The following TRMT11 variants were observed in gnomAD, a reference collection of about 807,000 sequenced individuals.
TRMT11 encodes the protein tRNA (guanine(10)-N(2))-methyltransferase TRMT11.
Under a neutral mutation model 62.8 loss-of-function variants are expected in TRMT11, and 53 were observed. The ratio of observed to expected loss-of-function variants is 0.84; its 90% CI spans 0.68 to 1.06. TRMT11 has a LOEUF of 1.06. TRMT11 is among the 50% of genes least tolerant of loss of function. The pLI is 0.00. For synonymous variants in TRMT11, 188 were observed against 190.3 expected (o/e 0.99, Z 0.10); for missense variants, 556 against 553.4 (o/e 1.00, Z -0.05).
intron 17 of TRMT11, among the ~76,000 whole-genome samples, chr6:126,105,144 C>A (rs1057068726): frequency 1.3e-5 from 2 of 152,118 alleles, no homozygotes; most frequent in African/African-American, 4.8e-5. Flanking sequence ...GTAAATCATC[C>A]CCCTCAGAAC....
intron 11 of TRMT11, 23 bp from the exon 12 acceptor site, chr6:126,021,137 A>G: frequency 6.2e-7 from 1 of 1,613,562 alleles, no homozygotes; most frequent in Non-Finnish European, 8.5e-7. Context: ...AGTGTTCCTA[A>G]CAGTCAGCTG....
intron 11 of TRMT11, among the ~76,000 whole-genome samples, chr6:126,016,172 A>C (rs532126396): frequency 6.6e-6 from 1 of 152,094 alleles, no homozygotes; most frequent in African/African-American, 2.4e-5. Context: ...TCTTTTTTCC[A>C]TCATTTCTTT....
chr6:126,220,965 A>G, the TRMT11 span, among the ~76,000 whole-genome samples: 5 of 152,116 alleles, frequency 3.3e-5, no homozygotes, highest in African/African-American at 7.2e-5. Flanking sequence ...CTTTGTGTCC[A>G]TGTGTACTCA....
chr6:126,232,298 G>A, the TRMT11 span, among the ~76,000 whole-genome samples: 1 of 152,040 alleles, frequency 6.6e-6, no homozygotes, highest in Non-Finnish European at 1.5e-5. Context: ...AGCAAGTAAT[G>A]TCTGTGCTCT....
intron 21 of TRMT11, among the ~76,000 whole-genome samples, chr6:126,166,062 G>T (rs768895251): frequency 7.3e-5 from 11 of 151,446 alleles, no homozygotes; most frequent in Admixed American, 2.0e-4. Context: ...CCTTTCTTCC[G>T]CTTGATCGAT....
intron 11 of TRMT11, among the ~76,000 whole-genome samples, chr6:126,013,829 C>T (rs906149623): frequency 2.6e-5 from 4 of 152,212 alleles, no homozygotes; most frequent in African/African-American, 7.2e-5. Context: ...TTGTACCCTA[C>T]ACTTAGCTTA....
intron 11 of TRMT11, 75 bp downstream of exon 11, chr6:126,013,176 T>C: frequency 7.3e-7 from 1 of 1,364,052 alleles, no homozygotes; most frequent in Non-Finnish European, 1.0e-6. Context: ...TTTCTCTTTA[T>C]CTCTTCTTGC....
the TRMT11 span, chr6:126,258,264 G>C: frequency 7.3e-6 from 4 of 548,868 alleles, no homozygotes; most frequent in Non-Finnish European, 1.4e-5. Context: ...GCGGCCCTGG[G>C]GGGTGGGCTC....
At chr6:126,203,590 T>C (rs1192878143), downstream of TRMT11, among the ~76,000 whole-genome samples, 1 of 152,198 alleles carries the variant, frequency 6.6e-6, no homozygotes, top group South Asian at 2.1e-4. Flanking sequence ...CTCAAAAGCC[T>C]TGAAATATGT....
chr6:126,075,525 C>T (rs1049534866), intron 17 of TRMT11, among the ~76,000 whole-genome samples: 9 of 152,058 alleles, frequency 5.9e-5, no homozygotes, highest in African/African-American at 2.2e-4. Flanking sequence ...GTGGTGCTTG[C>T]CTGCTTCCCC....
intron 17 of TRMT11, among the ~76,000 whole-genome samples, chr6:126,066,725 C>T (rs1776702801): frequency 6.6e-6 from 1 of 152,194 alleles, no homozygotes; most frequent in Admixed American, 6.5e-5. Context: ...TGCTTGTAAG[C>T]CCTAGGTGAA....
chr6:126,147,581 T>C (rs1278698543), intron 21 of TRMT11, among the ~76,000 whole-genome samples: 1 of 152,180 alleles, frequency 6.6e-6, no homozygotes, highest in Non-Finnish European at 1.5e-5. Flanking sequence ...GAATTTGTAC[T>C]GAGTGGTCAA....
At chr6:126,097,918 A>G (rs929916049) in intron 17 of TRMT11, among the ~76,000 whole-genome samples, 4 of 152,126 alleles carry the variant, frequency 2.6e-5, no homozygotes, top group Non-Finnish European at 5.9e-5. Context: ...CTTTTTGTTT[A>G]TTCTTATGGT....
chr6:126,264,632 T>C, the TRMT11 span, among the ~76,000 whole-genome samples: 3 of 152,334 alleles, frequency 2.0e-5, no homozygotes, highest in East Asian at 3.9e-4. Context: ...CTCTCTGTAT[T>C]GTGAGTGGGT....
chr6:126,137,917 GT>G (rs1777870704), intron 21 of TRMT11, among the ~76,000 whole-genome samples: 2 of 151,840 alleles, frequency 1.3e-5, no homozygotes, highest in African/African-American at 4.8e-5. Context: ...GCAAATAAAA[GT>G]AGATCTCATG....
downstream of TRMT11, among the ~76,000 whole-genome samples, chr6:126,206,377 A>G (rs1778792401): frequency 6.6e-6 from 1 of 152,184 alleles, no homozygotes; most frequent in African/African-American, 2.4e-5. Context: ...AGGTGGGGCC[A>G]CAGATTCTGT....
chr6:126,059,027 T>C (rs1776450374), intron 17 of TRMT11, among the ~76,000 whole-genome samples: 3 of 151,532 alleles, frequency 2.0e-5, no homozygotes, highest in Admixed American at 2.0e-4. Flanking sequence ...CTTGCACCTC[T>C]TCTCTCTCTC....
At position 125,993,802 on chromosome 6, in the gene TRMT11, A is replaced by G; in HGVS notation, c.118A>G (p.Ser40Gly). ...LLLFGGQFAS[S>G]QETYGKSPFW... ...GCTTTTTGGAGGTCAGTTTGCCAGC[A>G]GTCAAGAAACTTATGGAAAGGTAAG... is the stretch of plus-strand genomic sequence containing the variant. The change falls in exon 2 of 13, where the codon AGT (serine) becomes GGT (glycine). Residue 40 changes from serine (S) to glycine (G), a missense_variant. Ser to Gly is a moderately conservative substitution (Grantham distance 56). Transcript: ENST00000334379. 1 of 1,610,582 alleles carries G rather than the reference A, an allele frequency of 6.2e-7. No individual in the cohort carries two copies. The highest frequency in any genetic ancestry group is 8.5e-7 in the Non-Finnish European group (1 of 1,177,142).
chr6:126,093,886 A>G (rs1214503072), intron 17 of TRMT11, among the ~76,000 whole-genome samples: 1 of 151,980 alleles, frequency 6.6e-6, no homozygotes, highest in Non-Finnish European at 1.5e-5. Context: ...CTAGCAATGA[A>G]TAATTGCAAA....
Sources: allele counts gnomAD v4.1 joint callset (sites outside exome capture counted in the v4.1 genomes callset), GRCh38; gene constraint gnomAD v4.1.1; transcripts MANE v1.5; gene names NCBI Gene and HGNC (gene_info 2026-07-23, HGNC 2026-07-21).